GLB1: variants seen among roughly 807,000 people sequenced by gnomAD.
GLB1 encodes beta-galactosidase.
Under a neutral mutation model 74.0 loss-of-function variants are expected in GLB1, and 56 were observed. That is an observed-to-expected ratio of 0.76 (90% CI 0.61 to 0.94). The LOEUF is 0.94. GLB1 is among the 40% of genes least tolerant of loss of function. The probability of loss-of-function intolerance (pLI) is 0.00; values close to 1 mark genes in which losing one functional copy is unlikely to be tolerated. For synonymous variants in GLB1, 323 were observed against 323.6 expected, an observed-to-expected ratio of 1.00 and a Z score of 0.02; for missense variants, 787 against 845.5, an observed-to-expected ratio of 0.93 and a Z score of 0.86.
At chr3:33,014,386 A>G in intron 14 of GLB1, 76 bp from the exon 15 acceptor site, 2 of 1,577,708 alleles carry the variant, frequency 1.3e-6, no homozygotes, top group Non-Finnish European at 1.7e-6. Flanking sequence ...ATTCCAGGGA[A>G]ATGGGAAAAG....
chr3:32,979,678 C>A, the GLB1 span, among the ~76,000 whole-genome samples: 1 of 151,470 alleles, frequency 6.6e-6, no homozygotes, highest in African/African-American at 2.4e-5. Flanking sequence ...CATAGTGAGA[C>A]CCTGTCTCTA....
At chr3:33,043,169 T>C (rs1698573116) in intron 10 of GLB1, among the ~76,000 whole-genome samples, 1 of 152,174 alleles carries the variant, frequency 6.6e-6, no homozygotes, top group South Asian at 2.1e-4. Flanking sequence ...TTTTAAACTA[T>C]TACAAGACAG....
chr3:33,027,440 C>T (rs1290675561), intron 10 of GLB1, among the ~76,000 whole-genome samples: 1 of 152,236 alleles, frequency 6.6e-6, no homozygotes, highest in Non-Finnish European at 1.5e-5. Flanking sequence ...GCAGAACGAA[C>T]CCAGTGGGCC....
chr3:32,982,758 A>G, the GLB1 span, among the ~76,000 whole-genome samples: 1 of 152,268 alleles, frequency 6.6e-6, no homozygotes, highest in East Asian at 1.9e-4. Flanking sequence ...TTCTAGAATC[A>G]TCTTCTTTCT....
In GLB1 at chr3:33,046,112, G is replaced by GCACC; in HGVS notation, c.1068+4_1068+7dup. 6.2e-7 allele frequency: 1 copy of GCACC among 1,611,970 alleles called. No individual in the cohort carries two copies. Among genetic ancestry groups the GCACC allele is most frequent in the South Asian group, 1.1e-5 (1 of 90,942 alleles). On this transcript the variant is annotated splice_region_variant and intron_variant, in intron 10 of 15. Transcript: ENST00000307363. Reference sequence around the variant, plus strand: ...ATCAGCCCACCACAGCTCATACAAAGCACCCACCTTCTGGATGATGTTTCG... The same window carrying GCACC: ...ATCAGCCCACCACAGCTCATACAAAGCACCCACCCACCTTCTGGATGATGTTTCG...
At chr3:33,039,310 G>GAAAAAAAAAAAAAAA (rs1226163598) in intron 10 of GLB1, among the ~76,000 whole-genome samples, 1 of 135,362 alleles carries the variant, frequency 7.4e-6, no homozygotes. Context: ...AAAAAAAAAG[G>GAAAAAAAAAAAAAAA]AAAAAAAAGC....
At chr3:33,089,944 C>T (rs1358644507) in intron 1 of GLB1, among the ~76,000 whole-genome samples, 1 of 152,046 alleles carries the variant, frequency 6.6e-6, no homozygotes, top group Non-Finnish European at 1.5e-5. Context: ...TTTTTTGCCA[C>T]AATAAAAAAT....
intron 10 of GLB1, among the ~76,000 whole-genome samples, chr3:33,033,561 T>A (rs564029652): frequency 6.6e-5 from 10 of 152,176 alleles, no homozygotes; most frequent in African/African-American, 2.4e-4. Flanking sequence ...GGCAGGTGGA[T>A]CACTTGAGGT....
At chr3:32,965,987 C>T in the GLB1 span, among the ~76,000 whole-genome samples, 2 of 152,188 alleles carry the variant, frequency 1.3e-5, no homozygotes, top group Non-Finnish European at 2.9e-5. Flanking sequence ...TGTATGGAAA[C>T]GCTGGGATGT....
chr3:32,968,200 A>T, the GLB1 span, among the ~76,000 whole-genome samples: 1 of 152,210 alleles, frequency 6.6e-6, no homozygotes, highest in Non-Finnish European at 1.5e-5. Context: ...AGGCATGGAC[A>T]TGGGCGTGAA....
Position 33,018,490 on chromosome 3 carries a change from G to C in GLB1, c.1305C>G (p.Pro435=). 1 of 1,613,986 alleles carries C rather than the reference G, an allele frequency of 6.2e-7. No individual in the cohort carries two copies. The highest frequency in any genetic ancestry group is 8.5e-7 in the Non-Finnish European group (1 of 1,180,022). ...ATGCTCGATCGTGGACTCCATTGAG[G>C]GGTGAAGAGAGAGGTGCTGGGTTGC... The part of the protein sequence containing the change: ...DCSNPAPLSS[P]LNGVHDRAYV... The change falls in exon 13 of 16, where the codon CCC becomes CCG. Residue 435 remains proline (P), a synonymous_variant. Coordinates refer to ENST00000307363, the MANE Select transcript of GLB1 (RefSeq NM_000404.4).
chr3:32,964,961 T>A, the GLB1 span, among the ~76,000 whole-genome samples: 1 of 152,200 alleles, frequency 6.6e-6, no homozygotes. Context: ...CCGCACACAC[T>A]CTCTTGCCTG....
At chr3:33,083,505 G>A (rs1476545742) in intron 1 of GLB1, among the ~76,000 whole-genome samples, 1 of 151,728 alleles carries the variant, frequency 6.6e-6, no homozygotes, top group African/African-American at 2.4e-5. Context: ...TGCAAATAAT[G>A]CAAGATTTGA....
intron 6 of GLB1, among the ~76,000 whole-genome samples, chr3:33,054,361 C>A (rs1699129838): frequency 6.6e-6 from 1 of 152,126 alleles, no homozygotes; most frequent in South Asian, 2.1e-4. Context: ...GTGTGTGGAC[C>A]AGAGAACATT....
downstream of GLB1, among the ~76,000 whole-genome samples, chr3:32,995,776 T>G (rs769066768): frequency 1.3e-5 from 2 of 149,130 alleles, no homozygotes; most frequent in Non-Finnish European, 3.0e-5. Context: ...AGCCAGGAAT[T>G]CAAGGCTGCA....
chr3:33,051,504 C>G (rs1045733904), intron 9 of GLB1, among the ~76,000 whole-genome samples: 2 of 148,344 alleles, frequency 1.3e-5, no homozygotes, highest in African/African-American at 5.0e-5. Flanking sequence ...TACTTGGAGG[C>G]TGAGGCAGGA....
At chr3:33,034,693 T>A in intron 10 of GLB1, 1 of 725,582 alleles carries the variant, frequency 1.4e-6, no homozygotes, top group Non-Finnish European at 2.6e-6. Context: ...GTGGAGACAA[T>A]AAGGTGACCC....
intron 9 of GLB1, among the ~76,000 whole-genome samples, chr3:33,051,233 CAAAAAA>C (rs35399363): frequency 8.0e-4 from 61 of 76,412 alleles, no homozygotes; most frequent in African/African-American, 3.7e-3. Context: ...GACTGCGTCT[CAAAAAA>C]AAAAAAAAAA....
chr3:33,052,582 G>A (rs1233543190), intron 7 of GLB1: 2 of 162,046 alleles, frequency 1.2e-5, no homozygotes, highest in East Asian at 1.7e-4. Flanking sequence ...AGTGAGCTGA[G>A]ATCGCGCCAC....
Sources: gnomAD v4.1 joint callset for allele counts (sites outside exome capture counted in the v4.1 genomes callset) on GRCh38, gnomAD v4.1.1 for gene constraint, MANE v1.5 for transcripts, NCBI Gene and HGNC (gene_info 2026-07-23, HGNC 2026-07-21) for gene names.